KAZN: variants seen among roughly 807,000 people sequenced by gnomAD.
KAZN encodes the protein kazrin, periplakin interacting protein.
Under a neutral mutation model 87.4 loss-of-function variants are expected in KAZN, and 40 were observed. That is an observed-to-expected ratio of 0.46 (90% CI 0.36 to 0.60). The LOEUF (loss-of-function observed/expected upper bound fraction) is 0.60. Among genes scored for constraint, KAZN ranks in the 20% least tolerant of loss-of-function variants. The pLI is 0.00. For synonymous variants in KAZN, 466 were observed against 458.3 expected, an observed-to-expected ratio of 1.02 and a Z score of -0.22; for missense variants, 898 against 1,073.9, an observed-to-expected ratio of 0.84 and a Z score of 2.29.
At chr1:13,951,237 G>C (rs10927968) in intron 1 of KAZN, among the ~76,000 whole-genome samples, 18,177 of 152,200 alleles carry the variant, frequency 0.12, 1,217 homozygotes, top group Middle Eastern at 0.22. Context: ...GCAAGGCATA[G>C]TGTGGTAAGG....
exon 1 of KAZN, chr1:13,893,496 G>T: frequency 8.8e-7 from 1 of 1,131,836 alleles, no homozygotes; most frequent in Non-Finnish European, 1.2e-6. Context: ...TGCAAGGAAA[G>T]GGTGGCGAAA....
chr1:15,063,430 G>A, intron 6 of KAZN, 142 bp from the exon 7 acceptor site: 2 of 706,514 alleles, frequency 2.8e-6, no homozygotes, highest in Middle Eastern at 2.5e-4. Context: ...GGAGATGGGG[G>A]GTGGGCTCCC....
intron 2 of KAZN, among the ~76,000 whole-genome samples, chr1:14,273,835 AT>A (rs55714663): frequency 0.78 from 117,449 of 150,480 alleles, 46,835 homozygotes; most frequent in Non-Finnish European, 0.88. Context: ...TGGGAGCAGT[AT>A]TTTTTTTTTT....
chr1:13,982,427 G>C (rs956090651), intron 1 of KAZN, among the ~76,000 whole-genome samples: 1 of 152,214 alleles, frequency 6.6e-6, no homozygotes, highest in East Asian at 1.9e-4. Flanking sequence ...TGAAGCTGCC[G>C]ACTTTCGCGC....
intron 1 of KAZN, among the ~76,000 whole-genome samples, chr1:14,849,901 A>G (rs955966803): frequency 2.0e-5 from 3 of 151,974 alleles, no homozygotes; most frequent in Non-Finnish European, 4.4e-5. Flanking sequence ...TACTGCTTGC[A>G]ATAAAGAAAG....
At position 14,295,861 on chromosome 1, in the gene KAZN, T is replaced by A. The variant is rs185951211; in HGVS notation, c.249+115269T>A. On this transcript the variant is annotated intron_variant, in intron 2 of 16. Coordinates refer to the KAZN transcript ENST00000636203. ...TGCAGTTATACACTCCTTAGCTAGA[T>A]CACGGGGTACTGTCTGCCTCTTCTG... 2.6e-3 allele frequency among the ~76,000 whole-genome samples: 401 copies of A among 152,264 alleles called. 3 individuals are homozygous for A. In the Middle Eastern group the frequency reaches 0.034, roughly 13 times the overall value.
In KAZN at chr1:14,552,052, T is replaced by C. The variant is rs570770739; in HGVS notation, c.250-46931T>C. 4.8e-4 allele frequency among the ~76,000 whole-genome samples: 73 copies of C among 152,244 alleles called. 1 individual carries two copies. Among genetic ancestry groups the C allele is most frequent in the Admixed American group, 2.2e-3 (33 of 15,296 alleles). ...TATGTCTGAGTGCCCTTGACCAAGATTTCTAGGAGTTGGTTCAAAGCTGAG... is the reference window on the plus strand; with the variant it reads ...TATGTCTGAGTGCCCTTGACCAAGACTTCTAGGAGTTGGTTCAAAGCTGAG... On this transcript the variant is annotated intron_variant, in intron 2 of 16. Transcript: ENST00000636203.
intron 1 of KAZN, among the ~76,000 whole-genome samples, chr1:14,130,181 C>T (rs1226902140): frequency 2.0e-5 from 3 of 152,158 alleles, no homozygotes; most frequent in African/African-American, 4.8e-5. Flanking sequence ...TCGCCTCTCT[C>T]CTCTTTCTTT....
chr1:14,574,685 T>A (rs141706306), intron 2 of KAZN, among the ~76,000 whole-genome samples: 1 of 152,174 alleles, frequency 6.6e-6, no homozygotes, highest in East Asian at 1.9e-4. Flanking sequence ...ACACCTACAT[T>A]CATTCAACCA....
intron 1 of KAZN, among the ~76,000 whole-genome samples, chr1:14,950,997 C>T (rs61773639): frequency 0.015 from 2,282 of 152,292 alleles, 34 homozygotes; most frequent in Non-Finnish European, 0.025. Flanking sequence ...CATGTTCTCT[C>T]TGTGGCTCAG....
At chr1:15,085,311 C>T (rs1412002042) in intron 8 of KAZN, among the ~76,000 whole-genome samples, 1 of 152,112 alleles carries the variant, frequency 6.6e-6, no homozygotes, top group Non-Finnish European at 1.5e-5. Flanking sequence ...GTATCAGCCA[C>T]ATTTTACCTC....
chr1:14,621,252 C>T (rs1678675407), intron 1 of KAZN, among the ~76,000 whole-genome samples: 1 of 152,126 alleles, frequency 6.6e-6, no homozygotes, highest in Non-Finnish European at 1.5e-5. Flanking sequence ...CAGCCAGAGT[C>T]ATGCCAGGCT....
At chr1:13,905,905 A>C (rs550497087) in intron 1 of KAZN, among the ~76,000 whole-genome samples, 38 of 152,320 alleles carry the variant, frequency 2.5e-4, no homozygotes, top group Non-Finnish European at 5.1e-4. Context: ...CAAAATCAGT[A>C]TCTCTGGACT....
intron 13 of KAZN, 94 bp from the exon 14 acceptor site, chr1:15,112,333 G>GTGTT: frequency 2.1e-4 from 1 of 4,876 alleles, no homozygotes; most frequent in Non-Finnish European, 3.7e-4. Flanking sequence ...TCACCAATGT[G>GTGTT]TGTGTGTGTG....
chr1:15,037,763 G>C (rs1229109411), intron 3 of KAZN, among the ~76,000 whole-genome samples: 1 of 152,114 alleles, frequency 6.6e-6, no homozygotes, highest in Admixed American at 6.5e-5. Context: ...GGCAGGATTG[G>C]AGCTGTGGCT....
chr1:15,112,329 ATG>A (rs58658629), intron 13 of KAZN, 96 bp from the exon 14 acceptor site: 10,557 of 635,844 alleles, frequency 0.017, 94 homozygotes, highest in African/African-American at 0.057. Context: ...ATTGTCACCA[ATG>A]TGTGTGTGTG....
chr1:14,541,282 A>G (rs1044129645), intron 2 of KAZN, among the ~76,000 whole-genome samples: 3 of 152,252 alleles, frequency 2.0e-5, no homozygotes, highest in African/African-American at 7.2e-5. Flanking sequence ...AAGGCAAAAT[A>G]GATACCCAAT....
At chr1:14,839,122 C>G (rs146771201) in intron 1 of KAZN, among the ~76,000 whole-genome samples, 5 of 152,136 alleles carry the variant, frequency 3.3e-5, no homozygotes, top group African/African-American at 1.2e-4. Context: ...CCTGCCACTT[C>G]GGAGCACTAA....
At chr1:14,655,775 CG>C (rs1452474906) in intron 1 of KAZN, among the ~76,000 whole-genome samples, 1 of 152,144 alleles carries the variant, frequency 6.6e-6, no homozygotes. Flanking sequence ...CATGCTGCTA[CG>C]GGTCTAGGGG....
Sources: allele counts gnomAD v4.1 joint callset (sites outside exome capture counted in the v4.1 genomes callset), GRCh38; gene constraint gnomAD v4.1.1; transcripts MANE v1.5; gene names NCBI Gene and HGNC (gene_info 2026-07-23, HGNC 2026-07-21).